JAG2: variants seen among roughly 807,000 people sequenced by gnomAD.
JAG2 encodes protein jagged-2.
A neutral mutation model predicts 141.7 loss-of-function variants in JAG2; 46 were observed. That is an observed-to-expected ratio of 0.32 (90% CI 0.26 to 0.42). The LOEUF is 0.42. JAG2 is among the 10% of genes least tolerant of loss of function. The probability of loss-of-function intolerance (pLI) is 1.00; values close to 1 mark genes in which losing one functional copy is unlikely to be tolerated. For synonymous variants in JAG2, 862 were observed against 763.5 expected, an observed-to-expected ratio of 1.13 and a Z score of -2.13; for missense variants, 1,500 against 1,817.5, an observed-to-expected ratio of 0.83 and a Z score of 3.18.
rs937687660 is a variant in JAG2 at position 105,142,591 on chromosome 14, T to G, written c.*104A>C. 1 of 838,954 alleles carries G rather than the reference T, an allele frequency of 1.2e-6. No homozygotes were observed. Among genetic ancestry groups the G allele is most frequent in the Non-Finnish European group, 1.8e-6 (1 of 543,516 alleles). 52.0% of individuals were successfully genotyped at this position (838,954 alleles called of 1,614,324 possible). On this transcript the variant is annotated 3_prime_UTR_variant, in exon 26 of 26. Transcript: ENST00000331782. ...TGGTTTTTGTTTTTGGTGGTTTTTT[T>G]ACACAAAATAAAGAAACTATGCACA...
In JAG2 at chr14:105,168,386, C is replaced by CA; in HGVS notation, c.34_35insT (p.Arg12LeufsTer40). 9.8e-7 allele frequency: 1 copy of CA among 1,024,826 alleles called. No individual in the cohort carries two copies. The highest frequency in any genetic ancestry group is 1.2e-6 in the Non-Finnish European group (1 of 833,850). 63.5% of individuals were successfully genotyped at this position (1,024,826 alleles called of 1,614,324 possible). A position where few individuals can be genotyped will look rare whatever the true frequency, so the allele number is the denominator to read the frequency against. On this transcript the variant is annotated frameshift_variant, in exon 1 of 26. Coordinates refer to ENST00000331782, the MANE Select transcript of JAG2 (RefSeq NM_002226.5). LOFTEE classifies it high-confidence loss of function. ...CCAGAGCGCCAGCAGCAGCAGCAGCCGCCGGGGAAGGCGCCCCCGGCCCTG... is the reference window on the plus strand; with the variant it reads ...CCAGAGCGCCAGCAGCAGCAGCAGCCAGCCGGGGAAGGCGCCCCCGGCCCTG...
chr14:105,168,354 C>T lies in JAG2; in HGVS notation c.66+1G>A. On this transcript the variant is annotated splice_donor_variant, in intron 1 of 25. Coordinates refer to ENST00000331782, the MANE Select transcript of JAG2 (RefSeq NM_002226.5). LOFTEE classifies it high-confidence loss of function. ...CCCGCCGCCCCCGCCGCCCCGCTCA[C>T]CTGCACCCAGAGCGCCAGCAGCAGC... 2 of 974,728 alleles carry T rather than the reference C, an allele frequency of 2.1e-6. No homozygotes were observed. The highest frequency in any genetic ancestry group is 2.5e-6 in the Non-Finnish European group (2 of 785,172). The allele number at this position is 974,728 out of a possible 1,614,324, so 60.4% of individuals were successfully genotyped here. A position where few individuals can be genotyped will look rare whatever the true frequency, so the allele number is the denominator to read the frequency against.
chr14:105,156,591 A>T (rs1595183516), intron 3 of JAG2, among the ~76,000 whole-genome samples: 1 of 152,208 alleles, frequency 6.6e-6, no homozygotes, highest in African/African-American at 2.4e-5. Context: ...GGCCAGGGGC[A>T]CCACAGCTGC....
At chr14:105,149,694 GGT>G (rs1888351429) in intron 12 of JAG2, among the ~76,000 whole-genome samples, 2 of 149,850 alleles carry the variant, frequency 1.3e-5, no homozygotes, top group African/African-American at 4.9e-5. Flanking sequence ...CATGCTTGCA[GGT>G]CCTGAGGTCA....
rs767259970 is a variant in JAG2 at position 105,145,035 on chromosome 14, G to A, written c.2979C>T (p.Ser993=). The part of the protein sequence containing the change: ...PQGTTVGAIC[S]GIRSLPATRA... ...TTGTGGCTGGCAGGGAGCGGATCCC[G>A]GAGCAAATGGCGCCCACCGTGGTGC... The change falls in exon 24 of 26, where the codon TCC becomes TCT. Residue 993 remains serine (S), a synonymous_variant. Transcript: ENST00000331782. 29 of 1,609,810 alleles carry A rather than the reference G, an allele frequency of 1.8e-5. No individual in the cohort carries two copies. The highest frequency in any genetic ancestry group is 1.3e-4 in the South Asian group (12 of 91,052).
intron 2 of JAG2, among the ~76,000 whole-genome samples, chr14:105,162,423 A>G (rs11621316): frequency 0.51 from 77,386 of 151,424 alleles, 20,113 homozygotes; most frequent in Middle Eastern, 0.61. Context: ...GGCACAAGCC[A>G]GAGGACAGGC....
intron 3 of JAG2, among the ~76,000 whole-genome samples, chr14:105,156,935 G>A (rs1412529555): frequency 6.6e-6 from 1 of 151,996 alleles, no homozygotes; most frequent in Non-Finnish European, 1.5e-5. Flanking sequence ...TCCCTGCCCT[G>A]AAAACAGCCC....
At position 105,142,713 on chromosome 14, in the gene JAG2, G is replaced by C. The variant is rs1370594357; in HGVS notation, c.3699C>G (p.Arg1233=). 1 of 1,603,764 alleles carries C rather than the reference G, an allele frequency of 6.2e-7. No homozygotes were observed. Among genetic ancestry groups the C allele is most frequent in the Non-Finnish European group, 8.5e-7 (1 of 1,175,738 alleles). The change falls in exon 26 of 26, where the codon CGC becomes CGG. Residue 1233 remains arginine (R), a synonymous_variant. Transcript: ENST00000331782. ...GCCGCCCCTACTCCTTGCCGGCGTA[G>C]CGGGCCTCATTGATGCTCCTGACCG... The part of the protein sequence containing the change: ...NRAVRSINEA[R]YAGKE
chr14:105,166,865 C>G (rs1377131141), intron 2 of JAG2, among the ~76,000 whole-genome samples: 1 of 152,188 alleles, frequency 6.6e-6, no homozygotes, highest in Non-Finnish European at 1.5e-5. Context: ...TCACCCAGTT[C>G]CAGGCCCCCA....
At chr14:105,165,206 T>C (rs1437173955) in intron 2 of JAG2, among the ~76,000 whole-genome samples, 1 of 151,660 alleles carries the variant, frequency 6.6e-6, no homozygotes, top group Admixed American at 6.6e-5. Context: ...ACCACCCTGC[T>C]CCTCCCTCAG....
In JAG2 at chr14:105,142,549, C is replaced by T. The variant is rs111929409; in HGVS notation, c.*146G>A. ...AATAATTTATACAAGGTTAAAGAAACGTAGAAAATAAACATTTGGTTTTTG... is the reference window on the plus strand; with the variant it reads ...AATAATTTATACAAGGTTAAAGAAATGTAGAAAATAAACATTTGGTTTTTG... On this transcript the variant is annotated 3_prime_UTR_variant, in exon 26 of 26. Coordinates refer to ENST00000331782, the MANE Select transcript of JAG2 (RefSeq NM_002226.5). 5.0e-5 allele frequency: 31 copies of T among 623,222 alleles called. 1 individual carries two copies. The highest frequency in any genetic ancestry group is 2.8e-4 in the African/African-American group (15 of 54,320). 38.6% of individuals were successfully genotyped at this position (623,222 alleles called of 1,614,324 possible).
intron 2 of JAG2, among the ~76,000 whole-genome samples, chr14:105,158,189 T>C (rs1888633640): frequency 6.6e-6 from 1 of 152,136 alleles, no homozygotes; most frequent in Non-Finnish European, 1.5e-5. Context: ...GGTGCCTCAC[T>C]GGGGGTGACC....
In JAG2 at chr14:105,143,156, C is replaced by T. The variant is rs746223998; in HGVS notation, c.3256G>A (p.Val1086Met). The change falls in exon 26 of 26, where the codon GTG (valine) becomes ATG (methionine). Residue 1086 changes from valine to methionine, a missense_variant. Coordinates refer to ENST00000331782, the MANE Select transcript of JAG2 (RefSeq NM_002226.5). ...AGCACGCTGAAGGCACCACACAGCACAGGCACCAGCAGACCTGGGGACCGG... is the reference window on the plus strand; with the variant it reads ...AGCACGCTGAAGGCACCACACAGCATAGGCACCAGCAGACCTGGGGACCGG... ...GGSSTGLLVP[V>M]LCGAFSVLWL... 1.3e-6 allele frequency: 2 copies of T among 1,598,278 alleles called. No individual in the cohort carries two copies. The highest frequency in any genetic ancestry group is 2.2e-5 in the East Asian group (1 of 44,864).
Position 105,168,406 on chromosome 14 carries a change from G to T in JAG2, c.15C>A (p.Gly5=). 1 of 980,892 alleles carries T rather than the reference G, an allele frequency of 1.0e-6. No individual in the cohort carries two copies. The highest frequency in any genetic ancestry group is 1.2e-6 in the Non-Finnish European group (1 of 809,662). 60.8% of individuals were successfully genotyped at this position (980,892 alleles called of 1,614,324 possible). A position where few individuals can be genotyped will look rare whatever the true frequency, so the allele number is the denominator to read the frequency against. Residue 5 remains glycine, a synonymous_variant, in exon 1 of 26, where the codon GGC becomes GGA. Coordinates refer to ENST00000331782, the MANE Select transcript of JAG2 (RefSeq NM_002226.5). Reference sequence around the variant, plus strand: ...GCAGCCGCCGGGGAAGGCGCCCCCGGCCCTGCGCCCGCATTGCCCCCGCGA... The same window carrying T: ...GCAGCCGCCGGGGAAGGCGCCCCCGTCCCTGCGCCCGCATTGCCCCCGCGA... MRAQ[G]RGRLPRRLLL... is the part of the protein sequence containing the mutation.
intron 2 of JAG2, among the ~76,000 whole-genome samples, chr14:105,165,267 C>T (rs1193013945): frequency 6.6e-6 from 1 of 152,234 alleles, no homozygotes; most frequent in Non-Finnish European, 1.5e-5. Context: ...GAGCAAAGCT[C>T]CCTGCTGCCC....
At position 105,151,933 on chromosome 14, in the gene JAG2, C is replaced by T. The variant is rs757870146; in HGVS notation, c.1039+5G>A. 84 of 1,612,758 alleles carry T rather than the reference C, an allele frequency of 5.2e-5. No individual in the cohort carries two copies. Among genetic ancestry groups the T allele is most frequent in the East Asian group, 6.7e-5 (3 of 44,882 alleles). On this transcript the variant is annotated splice_donor_5th_base_variant and intron_variant, in intron 7 of 25. Coordinates refer to ENST00000331782, the MANE Select transcript of JAG2 (RefSeq NM_002226.5). ...CAGAATTTGGGTGGCCAGCCCCCCA[C>T]GTACCCTTCTCACAGTTCCTGCCCG...
Position 105,167,752 on chromosome 14 carries a change from C to T in JAG2, c.417+5G>A. On this transcript the variant is annotated splice_donor_5th_base_variant and intron_variant, in intron 2 of 25. Coordinates refer to ENST00000331782, the MANE Select transcript of JAG2 (RefSeq NM_002226.5). The surrounding 1 kb of genome is among the most constrained non-coding windows in gnomAD (Gnocchi z 4.8). ...GCTGGAGCACGAGGGATGGAGCGCACGTACCGGCCAGGCGAACTGGAAGGG... is the reference window on the plus strand; with the variant it reads ...GCTGGAGCACGAGGGATGGAGCGCATGTACCGGCCAGGCGAACTGGAAGGG... 1.4e-6 allele frequency: 2 copies of T among 1,454,806 alleles called. No homozygotes were observed. The highest frequency in any genetic ancestry group is 1.3e-5 in the South Asian group (1 of 75,914). The allele number at this position is 1,454,806 out of a possible 1,614,324, so 90.1% of individuals were successfully genotyped here.
At chr14:105,146,303 C>T in intron 22 of JAG2, 82 bp downstream of exon 22, 1 of 1,251,048 alleles carries the variant, frequency 8.0e-7, no homozygotes, top group South Asian at 1.2e-5. Flanking sequence ...ACCCCAGCAC[C>T]CGCCTCCTGA....
At position 105,148,651 on chromosome 14, in the gene JAG2, G is replaced by A. The variant is rs1412935942; in HGVS notation, c.2020+94C>T. 3.4e-6 allele frequency: 4 copies of A among 1,182,334 alleles called. No homozygotes were observed. In the African/African-American group the frequency reaches 6.0e-5, roughly 18 times the overall value. The allele number at this position is 1,182,334 out of a possible 1,614,324, so 73.2% of individuals were successfully genotyped here. On this transcript the variant is annotated intron_variant, in intron 15 of 25. Transcript: ENST00000331782. Reference sequence around the variant, plus strand: ...CTGGCCAGGCCTTTCTGGGTACGGGGCCTGCCGCACCCAGACAGCGGTCCA... The same window carrying A: ...CTGGCCAGGCCTTTCTGGGTACGGGACCTGCCGCACCCAGACAGCGGTCCA...
Sources: gnomAD v4.1 joint callset for allele counts (sites outside exome capture counted in the v4.1 genomes callset) on GRCh38, gnomAD v4.1.1 for gene constraint, Gnocchi (gnomAD v3.1) non-coding constraint, MANE v1.5 for transcripts, NCBI Gene and HGNC (gene_info 2026-07-23, HGNC 2026-07-21) for gene names.